GTF3C3: variants seen among roughly 807,000 people sequenced by gnomAD.
GTF3C3 encodes the protein general transcription factor IIIC subunit 3, also known as general transcription factor 3C polypeptide 3.
A neutral mutation model predicts 105.2 loss-of-function variants in GTF3C3; 75 were observed. That is an observed-to-expected ratio of 0.71 (90% confidence interval 0.59 to 0.86). The LOEUF (loss-of-function observed/expected upper bound fraction) is 0.86. GTF3C3 is among the 40% of genes least tolerant of loss of function. GTF3C3 has a pLI of 0.00. For missense variants in GTF3C3, 856 were observed against 1,076.5 expected (o/e 0.80, Z 2.87); for synonymous variants, 335 against 370.4 (o/e 0.90, Z 1.10).
chr2:196,792,803 T>G, intron 3 of GTF3C3, 153 bp downstream of exon 3: 1 of 641,702 alleles, frequency 1.6e-6, no homozygotes, highest in South Asian at 2.0e-5. Flanking sequence ...ATAAACATTA[T>G]CTAATAGGAA....
chr2:196,769,352 T>C (rs1699129362), intron 16 of GTF3C3, among the ~76,000 whole-genome samples: 2 of 152,132 alleles, frequency 1.3e-5, no homozygotes, highest in African/African-American at 2.4e-5. Flanking sequence ...ACATCAAACA[T>C]ACAAAAATGA....
At position 196,770,633 on chromosome 2, in the gene GTF3C3, C is replaced by G. The variant is rs533035250; in HGVS notation, c.2261-594G>C. ...TATACAATCATCTCTTGTCAAAAGC[C>G]TAATCATATGCAGTAGGGGTATTTA... On this transcript the variant is annotated intron_variant, in intron 15 of 17. Coordinates refer to ENST00000263956, the MANE Select transcript of GTF3C3 (RefSeq NM_012086.5). Among the ~76,000 whole-genome samples the G allele has an allele frequency of 7.9e-5, 12 of 152,106 alleles. No individual in the cohort carries two copies. The South Asian group carries it at 2.5e-3, about 32-fold the overall frequency.
At chr2:196,769,844 TAA>T in intron 16 of GTF3C3, 69 bp downstream of exon 16, 1 of 1,340,340 alleles carries the variant, frequency 7.5e-7, no homozygotes, top group Non-Finnish European at 1.0e-6. Flanking sequence ...GCAGGATTTT[TAA>T]AAAAAGTATT....
chr2:196,779,073 C>G lies in GTF3C3; in HGVS notation c.1219-6G>C. 6.2e-7 allele frequency: 1 copy of G among 1,610,382 alleles called. No individual in the cohort carries two copies. The highest frequency in any genetic ancestry group is 8.5e-7 in the Non-Finnish European group (1 of 1,177,420). On this transcript the variant is annotated splice_polypyrimidine_tract_variant and splice_region_variant and intron_variant, in intron 9 of 17. Transcript: ENST00000263956. The stretch of plus-strand genomic sequence containing the variant: ...ACTAGTGTTGTCAAGAGAGGCTAGA[C>G]CACAAATAAAAGCCCCAAGTTAAAC...
In GTF3C3 at chr2:196,764,336, C is replaced by G. The variant is rs1304749498; in HGVS notation, c.*227G>C. ...CCATTTCAACATTGGGAACAATTCA[C>G]TATAGAATGTGAAAGGAAAATGACA... On this transcript the variant is annotated 3_prime_UTR_variant, in exon 18 of 18. Coordinates refer to ENST00000263956, the MANE Select transcript of GTF3C3 (RefSeq NM_012086.5). 2.6e-6 allele frequency: 1 copy of G among 385,436 alleles called. No individual in the cohort carries two copies. The highest frequency in any genetic ancestry group is 4.7e-6 in the Non-Finnish European group (1 of 214,014). 23.9% of individuals were successfully genotyped at this position (385,436 alleles called of 1,614,324 possible).
At position 196,766,601 on chromosome 2, in the gene GTF3C3, A is replaced by G. The variant is rs1699073453; in HGVS notation, c.2502T>C (p.Tyr834=). The part of the protein sequence containing the change: ...LGLIHLAIHY[Y]QKALELPPLV... ...GTGGAGGGAGCTCCAGGGCCTTCTG[A>G]TAATAGTGGATTGCAAGATGAATCA... The change falls in exon 17 of 18, where the codon TAT becomes TAC. Residue 834 remains tyrosine, a synonymous_variant. Coordinates refer to ENST00000263956, the MANE Select transcript of GTF3C3 (RefSeq NM_012086.5). The G allele has an allele frequency of 1.2e-6, 2 of 1,612,626 alleles. No individual in the cohort carries two copies. The highest frequency in any genetic ancestry group is 1.3e-5 in the African/African-American group (1 of 74,912).
intron 10 of GTF3C3, among the ~76,000 whole-genome samples, chr2:196,777,347 C>T (rs945540099): frequency 1.3e-4 from 20 of 152,180 alleles, no homozygotes; most frequent in African/African-American, 4.1e-4. Context: ...CCTCTCATCC[C>T]ACTCAATTAG....
intron 8 of GTF3C3, among the ~76,000 whole-genome samples, chr2:196,784,015 TA>T (rs1240715648): frequency 1.3e-5 from 2 of 152,208 alleles, no homozygotes; most frequent in African/African-American, 4.8e-5. Flanking sequence ...TTGGCTTGTG[TA>T]AGTGAATTAC....
At chr2:196,796,749 A>G (rs1414253954) in intron 2 of GTF3C3, among the ~76,000 whole-genome samples, 1 of 152,086 alleles carries the variant, frequency 6.6e-6, no homozygotes, top group African/African-American at 2.4e-5. Flanking sequence ...GCTCCCACTT[A>G]TAAGTGAGAA....
In GTF3C3 at chr2:196,766,626, A is replaced by T. The variant is rs1050129721; in HGVS notation, c.2477T>A (p.Leu826Gln). 1.2e-6 allele frequency: 2 copies of T among 1,613,444 alleles called. No individual in the cohort carries two copies. The highest frequency in any genetic ancestry group is 1.3e-5 in the African/African-American group (1 of 75,048). The change falls in exon 17 of 18, where the codon CTG becomes CAG. Residue 826 changes from leucine (L) to glutamine (Q), a missense_variant. Coordinates refer to ENST00000263956, the MANE Select transcript of GTF3C3 (RefSeq NM_012086.5). ...NLGRGLHQLG[L>Q]IHLAIHYYQK... is the part of the protein sequence containing the mutation. The stretch of plus-strand genomic sequence containing the variant: ...ATAATAGTGGATTGCAAGATGAATC[A>T]GCCCCAACTGATGAAGGCCACGGCC...
intron 8 of GTF3C3, among the ~76,000 whole-genome samples, chr2:196,781,352 AAAAAAATAT>A (rs1699349137): frequency 1.1e-5 from 1 of 89,122 alleles, no homozygotes; most frequent in South Asian, 3.8e-4. Flanking sequence ...GAAAAAAAAA[AAAAAAATAT>A]ATATATATAT....
At chr2:196,771,722 A>C in intron 15 of GTF3C3, 26 bp downstream of exon 15, 2 of 1,536,362 alleles carry the variant, frequency 1.3e-6, no homozygotes, top group Non-Finnish European at 1.8e-6. Flanking sequence ...TTTATGCTTG[A>C]CAAAGTCACG....
chr2:196,795,350 C>T (rs890808391), intron 2 of GTF3C3, among the ~76,000 whole-genome samples: 15 of 152,226 alleles, frequency 9.9e-5, no homozygotes, highest in African/African-American at 3.1e-4. Flanking sequence ...TGTTCAAAAA[C>T]TCTTACGCAT....
chr2:196,792,434 T>G (rs1699565499), intron 3 of GTF3C3, among the ~76,000 whole-genome samples: 1 of 152,150 alleles, frequency 6.6e-6, no homozygotes, highest in Non-Finnish European at 1.5e-5. Context: ...CTGCTGCCAT[T>G]ACAGACATGA....
intron 3 of GTF3C3, among the ~76,000 whole-genome samples, chr2:196,792,644 AT>A (rs1172901923): frequency 6.6e-6 from 1 of 152,036 alleles, no homozygotes; most frequent in African/African-American, 2.4e-5. Context: ...GTTGTACTGT[AT>A]TTAATTTTTT....
intron 16 of GTF3C3, among the ~76,000 whole-genome samples, chr2:196,767,554 AG>A (rs1699089420): frequency 6.6e-6 from 1 of 152,214 alleles, no homozygotes; most frequent in Admixed American, 6.5e-5. Context: ...CTTTATAAAT[AG>A]GTAAATAATA....
chr2:196,772,592 T>G (rs939842791), intron 14 of GTF3C3, among the ~76,000 whole-genome samples: 2 of 152,240 alleles, frequency 1.3e-5, no homozygotes, highest in Admixed American at 6.5e-5. Flanking sequence ...CCAGGCATTA[T>G]TAAAAAGGCA....
Position 196,764,703 on chromosome 2 carries a change from C to A in GTF3C3, c.2539-18G>T, listed in dbSNP as rs757925924. ...TCTATACCCTAGGGAGAAAAAGATA[C>A]CTTTATGTTTAATATTTCCAACTGT... is the stretch of plus-strand genomic sequence containing the variant. On this transcript the variant is annotated intron_variant, in intron 17 of 17. Transcript: ENST00000263956. 3 of 1,596,008 alleles carry A rather than the reference C, an allele frequency of 1.9e-6. No homozygotes were observed. Among genetic ancestry groups the A allele is most frequent in the Non-Finnish European group, 1.7e-6 (2 of 1,168,742 alleles).
Position 196,764,232 on chromosome 2 carries a change from T to G in GTF3C3, c.*331A>C, listed in dbSNP as rs1341895544. The G allele has an allele frequency of 5.5e-6, 1 of 180,228 alleles. No individual in the cohort carries two copies. Among genetic ancestry groups the G allele is most frequent in the Non-Finnish European group, 1.2e-5 (1 of 84,998 alleles). The allele number at this position is 180,228 out of a possible 1,614,324, so 11.2% of individuals were successfully genotyped here. A position where few individuals can be genotyped will look rare whatever the true frequency, so the allele number is the denominator to read the frequency against. ...TCATGTGATATTGACAGAGCTATAG[T>G]ATTAAATACAAAGATGAATAAATGG... On this transcript the variant is annotated 3_prime_UTR_variant, in exon 18 of 18. Transcript: ENST00000263956.
Sources: gnomAD v4.1 joint callset for allele counts (sites outside exome capture counted in the v4.1 genomes callset) on GRCh38, gnomAD v4.1.1 for gene constraint, MANE v1.5 for transcripts, NCBI Gene and HGNC (gene_info 2026-07-23, HGNC 2026-07-21) for gene names.